The following TEX11 variants were observed in gnomAD, a reference collection of about 807,000 sequenced individuals.
TEX11 encodes the protein testis expressed 11.
Under a neutral mutation model 84.4 loss-of-function variants are expected in TEX11, and 7 were observed. That is an observed-to-expected ratio of 0.08 (90% CI 0.05 to 0.16). TEX11 has a LOEUF of 0.16. TEX11 is among the 10% of genes least tolerant of loss of function. The probability of loss-of-function intolerance (pLI) is 1.00; values close to 1 mark genes in which losing one functional copy is unlikely to be tolerated. For synonymous variants in TEX11, 264 were observed against 222.8 expected (o/e 1.18, Z -1.64); for missense variants, 551 against 660.5 (o/e 0.83, Z 1.82).
At chrX:70,528,538 C>T (rs897964748), downstream of TEX11, among the ~76,000 whole-genome samples, 2 of 106,825 alleles carry the variant, frequency 1.9e-5, no homozygotes, top group Admixed American at 1.0e-4. Context: ...GTTGGCCAGG[C>T]TGGTCTTGAA....
chrX:70,892,028 G>A (rs2091740769), intron 2 of TEX11, among the ~76,000 whole-genome samples: 1 of 111,544 alleles, frequency 9.0e-6, no homozygotes, highest in African/African-American at 3.3e-5. Flanking sequence ...GAATAACAGT[G>A]GATCTCTCTA....
At chrX:70,623,368 T>C (rs1323776528) in intron 20 of TEX11, among the ~76,000 whole-genome samples, 2 of 111,978 alleles carry the variant, frequency 1.8e-5, no homozygotes, top group Non-Finnish European at 3.8e-5. Context: ...CAACGAATTG[T>C]TAAGTTTTAA....
chrX:70,608,304 G>C (rs1016584894), intron 22 of TEX11, among the ~76,000 whole-genome samples: 2 of 111,644 alleles, frequency 1.8e-5, no homozygotes, highest in African/African-American at 6.5e-5. Context: ...TATTAGTTTT[G>C]CCCATTTAAA....
chrX:70,902,138 C>G (rs919574149), intron 2 of TEX11, among the ~76,000 whole-genome samples: 1 of 111,555 alleles, frequency 9.0e-6, no homozygotes, highest in Non-Finnish European at 1.9e-5. Flanking sequence ...TGATTCCCGG[C>G]TACTCAAGAT....
intron 17 of TEX11, among the ~76,000 whole-genome samples, chrX:70,644,554 A>T (rs1282790640): frequency 9.3e-6 from 1 of 107,388 alleles, no homozygotes; most frequent in Non-Finnish European, 1.9e-5. Flanking sequence ...TGGATTAAGA[A>T]AATGTGGCAC....
chrX:70,818,296 T>C (rs2091300451), intron 8 of TEX11, among the ~76,000 whole-genome samples: 1 of 73,086 alleles, frequency 1.4e-5, no homozygotes, highest in Non-Finnish European at 2.6e-5. Flanking sequence ...GGTGAGACCC[T>C]GTCTTGAAAA....
intron 9 of TEX11, among the ~76,000 whole-genome samples, chrX:70,795,699 A>G (rs1347080977): frequency 9.0e-6 from 1 of 110,827 alleles, no homozygotes; most frequent in Non-Finnish European, 1.9e-5. Flanking sequence ...TCTGCTTGGT[A>G]ATCCAGAGAA....
intron 2 of TEX11, among the ~76,000 whole-genome samples, chrX:70,893,379 A>G (rs1216289554): frequency 1.8e-5 from 2 of 112,168 alleles, no homozygotes; most frequent in Non-Finnish European, 3.8e-5. Context: ...GTCTCTCAGA[A>G]CACAGTGCAA....
intron 2 of TEX11, among the ~76,000 whole-genome samples, chrX:70,906,692 C>T (rs1368845206): frequency 1.8e-5 from 2 of 110,989 alleles, no homozygotes; most frequent in East Asian, 5.6e-4. Flanking sequence ...GAGGCTGAGG[C>T]AGAAGAATCG....
chrX:70,814,246 AAACAGAGATACAGACCAATGG>A (rs2091274427), intron 8 of TEX11, among the ~76,000 whole-genome samples: 2 of 112,023 alleles, frequency 1.8e-5, no homozygotes, highest in Non-Finnish European at 3.8e-5. Context: ...ACTGGTACCA[AAACAGAGATACAGACCAATGG>A]AACAGAACAG....
At chrX:70,643,274 T>C (rs1282085154) in intron 17 of TEX11, among the ~76,000 whole-genome samples, 1 of 105,837 alleles carries the variant, frequency 9.4e-6, no homozygotes, top group Non-Finnish European at 1.9e-5. Flanking sequence ...TAAAAGAGCA[T>C]ACAAACAAAT....
At chrX:70,750,784 G>T (rs1282085669) in intron 9 of TEX11, among the ~76,000 whole-genome samples, 1 of 101,233 alleles carries the variant, frequency 9.9e-6, no homozygotes, top group Non-Finnish European at 2.0e-5. Flanking sequence ...GGTGGGGGTA[G>T]GGGGGAGGGA....
intron 25 of TEX11, among the ~76,000 whole-genome samples, chrX:70,556,688 G>T (rs1261103381): frequency 1.8e-5 from 2 of 111,307 alleles, no homozygotes; most frequent in Non-Finnish European, 3.8e-5. Context: ...TTGAGTATTT[G>T]TTGACCTATT....
chrX:70,700,661 A>G (rs1036108636), intron 13 of TEX11, among the ~76,000 whole-genome samples: 1 of 111,467 alleles, frequency 9.0e-6, no homozygotes, highest in Non-Finnish European at 1.9e-5. Flanking sequence ...ATATTCACAT[A>G]TCTCTCATTT....
intron 9 of TEX11, among the ~76,000 whole-genome samples, chrX:70,755,449 C>T (rs143657353): frequency 0.022 from 2,448 of 111,394 alleles, 30 homozygotes; most frequent in Non-Finnish European, 0.029. Context: ...AGCTTGAAGA[C>T]GGGCTATTTG....
At chrX:70,577,993 G>T (rs2088702661) in intron 25 of TEX11, among the ~76,000 whole-genome samples, 1 of 111,407 alleles carries the variant, frequency 9.0e-6, no homozygotes. Context: ...CTCCCAAAGT[G>T]CTGGGATTAC....
chrX:70,710,558 T>C (rs1213481416), intron 13 of TEX11, among the ~76,000 whole-genome samples: 1 of 108,928 alleles, frequency 9.2e-6, no homozygotes, highest in African/African-American at 3.3e-5. Context: ...TTTTTTTTTT[T>C]TAGGAGGCAG....
intron 4 of TEX11, among the ~76,000 whole-genome samples, chrX:70,864,815 G>A (rs1419398836): frequency 4.6e-5 from 5 of 108,287 alleles, no homozygotes; most frequent in East Asian, 2.9e-4. Flanking sequence ...TAAGCTTCAC[G>A]AGCAAAAGAG....
At chrX:70,640,753 A>G (rs183492313) in intron 17 of TEX11, among the ~76,000 whole-genome samples, 1 of 110,620 alleles carries the variant, frequency 9.0e-6, no homozygotes, top group African/African-American at 3.3e-5. Context: ...CTGCCCTAAA[A>G]GAGCTCCTGA....
Sources: allele counts gnomAD v4.1 joint callset (sites outside exome capture counted in the v4.1 genomes callset), GRCh38; gene constraint gnomAD v4.1.1; transcripts MANE v1.5; gene names NCBI Gene and HGNC (gene_info 2026-07-23, HGNC 2026-07-21).